MDGA2: variants seen among roughly 807,000 people sequenced by gnomAD.
MDGA2 encodes the protein MAM domain containing glycosylphosphatidylinositol anchor 2.
A neutral mutation model predicts 117.8 loss-of-function variants in MDGA2; 40 were observed. The ratio of observed to expected loss-of-function variants is 0.34; its 90% CI spans 0.26 to 0.44. The LOEUF is 0.44. MDGA2 is among the 20% of genes least tolerant of loss of function. MDGA2 has a pLI of 1.00. For missense variants in MDGA2, 1,123 were observed against 1,250.6 expected (o/e 0.90, Z 1.54); for synonymous variants, 452 against 439.0 (o/e 1.03, Z -0.37).
chr14:47,171,234 T>G (rs566091983), intron 3 of MDGA2, among the ~76,000 whole-genome samples: 1 of 152,236 alleles, frequency 6.6e-6, no homozygotes, highest in African/African-American at 2.4e-5. Flanking sequence ...GTTCTAAATA[T>G]AGAATGTACA....
At chr14:47,293,809 A>G (rs1403668720) in intron 2 of MDGA2, among the ~76,000 whole-genome samples, 1 of 152,204 alleles carries the variant, frequency 6.6e-6, no homozygotes, top group Non-Finnish European at 1.5e-5. Flanking sequence ...TTTTAATAAA[A>G]TTTCTAAAAA....
At chr14:46,943,081 T>G (rs901956749) in intron 9 of MDGA2, among the ~76,000 whole-genome samples, 6 of 152,106 alleles carry the variant, frequency 3.9e-5, no homozygotes, top group African/African-American at 1.4e-4. Flanking sequence ...TAATAGATGT[T>G]CACATAATTT....
chr14:47,232,907 C>T (rs1886739397), intron 2 of MDGA2, among the ~76,000 whole-genome samples: 2 of 152,048 alleles, frequency 1.3e-5, no homozygotes, highest in Non-Finnish European at 2.9e-5. Flanking sequence ...GAAGTGGCAC[C>T]ATCAACAGAG....
At chr14:47,064,693 T>C (rs929975745) in intron 6 of MDGA2, among the ~76,000 whole-genome samples, 1 of 152,090 alleles carries the variant, frequency 6.6e-6, no homozygotes, top group African/African-American at 2.4e-5. Flanking sequence ...TAGAGACACA[T>C]TGTGAGAAAT....
intron 1 of MDGA2, among the ~76,000 whole-genome samples, chr14:47,541,129 G>A (rs578105658): frequency 2.0e-4 from 31 of 152,260 alleles, no homozygotes; most frequent in African/African-American, 6.0e-4. Flanking sequence ...GAGTCCCTGA[G>A]TGAAGTGATG....
chr14:47,305,965 G>A, intron 1 of MDGA2: 1 of 151,568 alleles, frequency 6.6e-6, no homozygotes, highest in East Asian at 1.9e-4. Context: ...AGAGAAAACA[G>A]TGTGCTCAAA....
intron 1 of MDGA2, among the ~76,000 whole-genome samples, chr14:47,516,604 AG>A (rs1894756565): frequency 6.6e-6 from 1 of 152,150 alleles, no homozygotes; most frequent in South Asian, 2.1e-4. Context: ...CATCTTTTTA[AG>A]GGGAAGTACC....
chr14:46,920,865 G>A (rs1413917884), intron 9 of MDGA2, among the ~76,000 whole-genome samples: 1 of 152,160 alleles, frequency 6.6e-6, no homozygotes, highest in Non-Finnish European at 1.5e-5. Context: ...CATCAATAAA[G>A]TGAACTTAAT....
intron 1 of MDGA2, among the ~76,000 whole-genome samples, chr14:47,580,750 A>C (rs1896215033): frequency 6.6e-6 from 1 of 151,930 alleles, no homozygotes. Flanking sequence ...GAGGCTTTAC[A>C]TCAGAACAAG....
chr14:47,077,072 A>T (rs527446228), intron 6 of MDGA2, among the ~76,000 whole-genome samples: 5 of 152,120 alleles, frequency 3.3e-5, no homozygotes, highest in Non-Finnish European at 5.9e-5. Flanking sequence ...CATTGAAAAC[A>T]GCACTCTAAG....
intron 16 of MDGA2, 91 bp downstream of exon 16, chr14:46,845,675 T>G (rs1273111513): frequency 2.6e-6 from 2 of 773,472 alleles, no homozygotes; most frequent in South Asian, 2.4e-5. Flanking sequence ...TAAAAATAAC[T>G]CCGTTTTTAA....
intron 5 of MDGA2, among the ~76,000 whole-genome samples, chr14:47,109,502 T>C (rs1036386171): frequency 1.3e-5 from 2 of 152,180 alleles, no homozygotes; most frequent in African/African-American, 4.8e-5. Flanking sequence ...AAAAGGGTAG[T>C]GTTTTTCATC....
chr14:47,495,414 A>AT (rs1894260985), intron 1 of MDGA2, among the ~76,000 whole-genome samples: 1 of 152,274 alleles, frequency 6.6e-6, no homozygotes, highest in Non-Finnish European at 1.5e-5. Flanking sequence ...ATCCAGAAAA[A>AT]AAAAATAAAA....
chr14:47,493,891 G>C (rs922436487), intron 1 of MDGA2, among the ~76,000 whole-genome samples: 4 of 152,100 alleles, frequency 2.6e-5, no homozygotes, highest in African/African-American at 9.7e-5. Context: ...TGTGTGGTAT[G>C]GTTTGGCTGT....
rs1210257195 is a variant in MDGA2 at position 47,566,267 on chromosome 14, G to A, written c.280+108250C>T. The stretch of plus-strand genomic sequence containing the variant: ...GGTCTGCTAGTACAGGAGCTATGAT[G>A]TATGCCCTTGAAAGGCACCTCAATT... On this transcript the variant is annotated intron_variant, in intron 1 of 16. Transcript: ENST00000399232. 2.0e-5 allele frequency among the ~76,000 whole-genome samples: 3 copies of A among 152,166 alleles called. No homozygotes were observed. The East Asian group carries it at 5.8e-4, about 29-fold the overall frequency.
chr14:47,217,947 A>T, intron 3 of MDGA2, 74 bp downstream of exon 3: 6 of 1,226,000 alleles, frequency 4.9e-6, no homozygotes, highest in South Asian at 2.0e-5. Flanking sequence ...ATGGTTTTTC[A>T]GAAAACCATA....
chr14:47,383,191 C>T (rs918997180), intron 1 of MDGA2, among the ~76,000 whole-genome samples: 1 of 152,024 alleles, frequency 6.6e-6, no homozygotes, highest in Non-Finnish European at 1.5e-5. Flanking sequence ...TTATCACACA[C>T]CGGAGCCTGT....
chr14:47,003,116 A>G (rs1000385907), intron 8 of MDGA2, among the ~76,000 whole-genome samples: 7 of 152,164 alleles, frequency 4.6e-5, no homozygotes, highest in Admixed American at 3.9e-4. Context: ...CTTTTCTAAA[A>G]AAAGCTGGCT....
chr14:46,991,039 C>T (rs895165306), intron 8 of MDGA2, among the ~76,000 whole-genome samples: 1 of 152,028 alleles, frequency 6.6e-6, no homozygotes, highest in Non-Finnish European at 1.5e-5. Flanking sequence ...GTCTGGCTAC[C>T]ATCTGGTCCT....
Sources: allele counts gnomAD v4.1 joint callset (sites outside exome capture counted in the v4.1 genomes callset), GRCh38; gene constraint gnomAD v4.1.1; transcripts MANE v1.5; gene names NCBI Gene and HGNC (gene_info 2026-07-23, HGNC 2026-07-21).